Variants in KIF16B observed in about 807,000 individuals in gnomAD.
The protein encoded by KIF16B is kinesin family member 16B, also known as kinesin-like protein KIF16B.
KIF16B carries 98 observed loss-of-function variants against 156.3 expected under a neutral mutation model. That is an observed-to-expected ratio of 0.63 (90% CI 0.53 to 0.74). The LOEUF (loss-of-function observed/expected upper bound fraction) is 0.74, where lower values mean the gene tolerates loss of function less well. Among genes scored for constraint, KIF16B ranks in the 30% least tolerant of loss-of-function variants. KIF16B has a pLI of 0.00. For synonymous variants in KIF16B, 564 were observed against 583.7 expected, an observed-to-expected ratio of 0.97 and a Z score of 0.49; for missense variants, 1,421 against 1,606.5, an observed-to-expected ratio of 0.88 and a Z score of 1.97.
At chr20:16,451,840 T>C (rs945225798) in intron 12 of KIF16B, among the ~76,000 whole-genome samples, 5 of 151,360 alleles carry the variant, frequency 3.3e-5, no homozygotes, top group Non-Finnish European at 5.9e-5. Flanking sequence ...TAAGCTCATG[T>C]TTACCTATTT....
rs558393652 is a variant in KIF16B, at chr20:16,542,296, T to A, written c.48-13856A>T. On this transcript the variant is annotated intron_variant, in intron 1 of 25. Transcript: ENST00000354981. ...TTATCTGGGATGTTGTATGGGGAGA[T>A]TTATATATTCATTCATTCATTCCAT... is the stretch of plus-strand genomic sequence containing the variant. 1.3e-3 allele frequency among the ~76,000 whole-genome samples: 195 copies of A among 152,228 alleles called. 1 individual carries two copies. Among genetic ancestry groups the A allele is most frequent in the African/African-American group, 4.5e-3 (187 of 41,538 alleles).
intron 12 of KIF16B, among the ~76,000 whole-genome samples, chr20:16,477,202 T>TTTC (rs67735700): frequency 0.065 from 9,029 of 139,186 alleles, 381 homozygotes; most frequent in South Asian, 0.11. Flanking sequence ...TTTTTTTTTC[T>TTTC]CTCCTTAAAA....
At chr20:16,550,723 C>T (rs993451216) in intron 1 of KIF16B, among the ~76,000 whole-genome samples, 81 of 151,630 alleles carry the variant, frequency 5.3e-4, no homozygotes, top group Admixed American at 3.9e-3. Context: ...TTTGTAGAGA[C>T]GGGTTTTCAC....
intron 25 of KIF16B, among the ~76,000 whole-genome samples, chr20:16,294,789 T>G (rs2063359950): frequency 6.6e-6 from 1 of 152,122 alleles, no homozygotes; most frequent in East Asian, 1.9e-4. Flanking sequence ...GAACTGGGGC[T>G]GTTGGTGAGT....
At chr20:16,329,705 T>G (rs772130235) in intron 24 of KIF16B, among the ~76,000 whole-genome samples, 2 of 152,198 alleles carry the variant, frequency 1.3e-5, no homozygotes, top group South Asian at 2.1e-4. Flanking sequence ...CAGAAGGAGC[T>G]ATTATCTTGC....
At chr20:16,289,934 A>G (rs187590675) in intron 25 of KIF16B, among the ~76,000 whole-genome samples, 1 of 152,302 alleles carries the variant, frequency 6.6e-6, no homozygotes, top group Admixed American at 6.5e-5. Flanking sequence ...TGAAAATCTA[A>G]CCCATGTCAG....
rs1253723471 is a variant in KIF16B, at chr20:16,272,833, T to A, written c.*420A>T. 1 of 155,266 alleles carries A rather than the reference T, an allele frequency of 6.4e-6. No individual in the cohort carries two copies. The highest frequency in any genetic ancestry group is 2.4e-5 in the African/African-American group (1 of 41,590). 9.6% of individuals were successfully genotyped at this position (155,266 alleles called of 1,614,324 possible). ...GGAAGAAATATAAAAAATACGAGTA[T>A]ATTTTGGTGAAAGAGGAAACCAGAT... On this transcript the variant is annotated 3_prime_UTR_variant, in exon 26 of 26. Transcript: ENST00000354981.
intron 25 of KIF16B, among the ~76,000 whole-genome samples, chr20:16,283,525 G>T (rs2063178375): frequency 6.6e-6 from 1 of 152,124 alleles, no homozygotes; most frequent in South Asian, 2.1e-4. Context: ...TGAGTGCCAG[G>T]AAAACAGGCA....
chr20:16,297,741 T>G (rs2063412137), intron 25 of KIF16B, among the ~76,000 whole-genome samples: 1 of 151,216 alleles, frequency 6.6e-6, no homozygotes, highest in Non-Finnish European at 1.5e-5. Context: ...GTTTTGGGTG[T>G]CCATACCAAT....
chr20:16,387,429 C>T (rs980466631), intron 17 of KIF16B, among the ~76,000 whole-genome samples: 1 of 152,094 alleles, frequency 6.6e-6, no homozygotes, highest in Non-Finnish European at 1.5e-5. Flanking sequence ...GAAGGATCAT[C>T]TGATGATCTG....
chr20:16,541,853 C>A (rs2070215004), intron 1 of KIF16B, among the ~76,000 whole-genome samples: 1 of 152,218 alleles, frequency 6.6e-6, no homozygotes, highest in Non-Finnish European at 1.5e-5. Flanking sequence ...AGAGTTGCCA[C>A]AGGTTGGGCA....
In KIF16B at chr20:16,272,301, TTC is replaced by T; in HGVS notation, c.*950_*951del. ...ATACATATTTTTTCCACTCACATTT[TTC>T]TCTTTAGTAAAACAAAGCAGTTTTA... On this transcript the variant is annotated 3_prime_UTR_variant, in exon 26 of 26. Transcript: ENST00000354981. The T allele has an allele frequency of 6.5e-6, 1 of 152,760 alleles. No individual in the cohort carries two copies. Among genetic ancestry groups the T allele is most frequent in the Non-Finnish European group, 1.5e-5 (1 of 68,030 alleles). The allele number at this position is 152,760 out of a possible 1,614,324, so 9.5% of individuals were successfully genotyped here. A position where few individuals can be genotyped will look rare whatever the true frequency, so the allele number is the denominator to read the frequency against.
chr20:16,568,931 TC>T (rs937299429), intron 1 of KIF16B, among the ~76,000 whole-genome samples: 5 of 142,942 alleles, frequency 3.5e-5, no homozygotes, highest in African/African-American at 1.3e-4. Context: ...AATGTTTGTC[TC>T]CCCCTAAAAT....
At chr20:16,389,256 C>T (rs562078790) in intron 17 of KIF16B, among the ~76,000 whole-genome samples, 1 of 152,082 alleles carries the variant, frequency 6.6e-6, no homozygotes, top group Non-Finnish European at 1.5e-5. Context: ...TCAGACAGGT[C>T]CCATATTTGA....
chr20:16,283,235 T>C lies in KIF16B; in HGVS notation c.3796-9824A>G, dbSNP rs562995243. Reference sequence around the variant, plus strand: ...ATTCCGGCTCCACCCCATCCTGTTTTCCTGGGGTGGGCTACCCAGGGTGGA... The same window carrying C: ...ATTCCGGCTCCACCCCATCCTGTTTCCCTGGGGTGGGCTACCCAGGGTGGA... On this transcript the variant is annotated intron_variant, in intron 25 of 25. Transcript: ENST00000354981. Among the ~76,000 whole-genome samples the C allele has an allele frequency of 1.4e-3, 207 of 152,346 alleles. 1 individual carries two copies. The highest frequency in any genetic ancestry group is 2.7e-3 in the Non-Finnish European group (181 of 68,018).
At chr20:16,420,267 T>A (rs1197339461) in intron 15 of KIF16B, among the ~76,000 whole-genome samples, 1 of 152,166 alleles carries the variant, frequency 6.6e-6, no homozygotes, top group East Asian at 1.9e-4. Flanking sequence ...AAACAGTTTA[T>A]GCAATCTGAC....
chr20:16,396,471 T>C (rs1411913888), intron 17 of KIF16B, among the ~76,000 whole-genome samples: 2 of 151,986 alleles, frequency 1.3e-5, no homozygotes, highest in African/African-American at 4.8e-5. Context: ...TAAAGTCCAA[T>C]ATTAATCCAT....
chr20:16,548,773 C>CA (rs2070512254), intron 1 of KIF16B, among the ~76,000 whole-genome samples: 1 of 152,106 alleles, frequency 6.6e-6, no homozygotes. Flanking sequence ...TTCCATACCC[C>CA]AGGAGACAGA....
chr20:16,455,807 CCCTAA>C (rs1206001033), intron 12 of KIF16B, among the ~76,000 whole-genome samples: 1 of 152,122 alleles, frequency 6.6e-6, no homozygotes, highest in Non-Finnish European at 1.5e-5. Flanking sequence ...AAACCACTGA[CCCTAA>C]ATGTACCAGC....
Sources: gnomAD v4.1 joint callset for allele counts (sites outside exome capture counted in the v4.1 genomes callset) on GRCh38, gnomAD v4.1.1 for gene constraint, MANE v1.5 for transcripts, NCBI Gene and HGNC (gene_info 2026-07-23, HGNC 2026-07-21) for gene names.